Variants in DNAI1 observed in about 807,000 individuals in gnomAD.
DNAI1 encodes the protein dynein, axonemal, intermediate polypeptide 1.
DNAI1 carries 67 observed loss-of-function variants against 92.0 expected under a neutral mutation model. The ratio of observed to expected loss-of-function variants is 0.73; its 90% CI spans 0.60 to 0.89. The LOEUF (loss-of-function observed/expected upper bound fraction) is 0.89. DNAI1 is among the 40% of genes least tolerant of loss of function. DNAI1 has a pLI of 0.00. For synonymous variants in DNAI1, 323 were observed against 319.6 expected (o/e 1.01, Z -0.11); for missense variants, 839 against 866.6 (o/e 0.97, Z 0.40).
Position 34,506,698 on chromosome 9 carries a change from A to G in DNAI1, c.1135A>G (p.Met379Val), listed in dbSNP as rs1276963650. 2.5e-6 allele frequency: 4 copies of G among 1,614,060 alleles called. No individual in the cohort carries two copies. Among genetic ancestry groups the G allele is most frequent in the East Asian group, 2.2e-5 (1 of 44,898 alleles). ...GAAGAACCCCAGCTTCCCTGAGTACATGTTCAGCAGCAACAGCGGCGTCAT... is the reference window on the plus strand; with the variant it reads ...GAAGAACCCCAGCTTCCCTGAGTACGTGTTCAGCAGCAACAGCGGCGTCAT... ...SLKNPSFPEYMFSSNSGVMCL... is the reference protein window; with the variant it reads ...SLKNPSFPEYVFSSNSGVMCL... The change falls in exon 13 of 20, where the codon ATG becomes GTG. Residue 379 changes from methionine to valine, a missense_variant. Coordinates refer to ENST00000242317, the MANE Select transcript of DNAI1 (RefSeq NM_012144.4).
chr9:34,486,742 G>T (rs116233826), intron 4 of DNAI1, among the ~76,000 whole-genome samples: 2 of 151,962 alleles, frequency 1.3e-5, no homozygotes, highest in African/African-American at 4.8e-5. Flanking sequence ...TCACTTCCCC[G>T]CAAGGAAACC....
At chr9:34,485,096 C>G (rs780343665) in intron 2 of DNAI1, 46 bp from the exon 3 acceptor site, 7 of 1,599,770 alleles carry the variant, frequency 4.4e-6, no homozygotes, top group Non-Finnish European at 6.0e-6. Context: ...TATGCTTGTC[C>G]AAGCAGAAAA....
intron 16 of DNAI1, 137 bp downstream of exon 16, chr9:34,513,328 G>A: frequency 1.4e-6 from 1 of 738,386 alleles, no homozygotes; most frequent in Non-Finnish European, 2.5e-6. Flanking sequence ...GGAAGAGAAT[G>A]TATTTCTTGA....
chr9:34,518,449 C>T (rs1427124157), intron 19 of DNAI1, among the ~76,000 whole-genome samples: 1 of 152,136 alleles, frequency 6.6e-6, no homozygotes, highest in Non-Finnish European at 1.5e-5. Context: ...TTGTAGCCAG[C>T]TGGGGGAGAG....
At chr9:34,504,075 A>G (rs999612898) in intron 12 of DNAI1, among the ~76,000 whole-genome samples, 1 of 152,148 alleles carries the variant, frequency 6.6e-6, no homozygotes, top group Non-Finnish European at 1.5e-5. Context: ...TCCTGAGGCT[A>G]TCACACAGGA....
Position 34,520,811 on chromosome 9 carries a change from A to G in DNAI1, c.*55A>G. On this transcript the variant is annotated 3_prime_UTR_variant, in exon 20 of 20. Coordinates refer to ENST00000242317, the MANE Select transcript of DNAI1 (RefSeq NM_012144.4). ...TTGAATACAGTACTCCTAGGGCTTG[A>G]CCCTGGTACCCAGCCCAGCCTTAGC... is the stretch of plus-strand genomic sequence containing the variant. 4 of 1,517,526 alleles carry G rather than the reference A, an allele frequency of 2.6e-6. No individual in the cohort carries two copies. The South Asian group carries it at 4.8e-5, about 18-fold the overall frequency. The allele number at this position is 1,517,526 out of a possible 1,614,324, so 94.0% of individuals were successfully genotyped here. A position where few individuals can be genotyped will look rare whatever the true frequency, so the allele number is the denominator to read the frequency against.
chr9:34,459,603 G>A (rs906549906), intron 1 of DNAI1, among the ~76,000 whole-genome samples: 6 of 152,070 alleles, frequency 3.9e-5, no homozygotes, highest in Admixed American at 6.6e-5. Context: ...AGGCCACCAC[G>A]CCCGGCTAAA....
chr9:34,514,013 C>G (rs1347537877), intron 16 of DNAI1, among the ~76,000 whole-genome samples: 1 of 152,200 alleles, frequency 6.6e-6, no homozygotes, highest in Non-Finnish European at 1.5e-5. Flanking sequence ...GGAACCAGGG[C>G]TCTGTTTGTC....
At chr9:34,502,365 G>A (rs936643240) in intron 12 of DNAI1, among the ~76,000 whole-genome samples, 2 of 152,202 alleles carry the variant, frequency 1.3e-5, no homozygotes, top group African/African-American at 4.8e-5. Context: ...TGCAGCTACT[G>A]GGCCTGGAAC....
intron 12 of DNAI1, among the ~76,000 whole-genome samples, chr9:34,503,066 C>A (rs1587081986): frequency 6.6e-6 from 1 of 152,262 alleles, no homozygotes; most frequent in East Asian, 1.9e-4. Flanking sequence ...GGTGTGGAGA[C>A]AGAGGTAGTC....
intron 8 of DNAI1, 73 bp from the exon 9 acceptor site, chr9:34,493,121 T>G: frequency 1.2e-6 from 2 of 1,608,034 alleles, no homozygotes; most frequent in Non-Finnish European, 8.5e-7. Flanking sequence ...TCCTTAAGTC[T>G]TGAAGGCTGA....
chr9:34,472,347 A>G (rs1824153676), intron 1 of DNAI1, among the ~76,000 whole-genome samples: 2 of 152,224 alleles, frequency 1.3e-5, no homozygotes, highest in South Asian at 4.1e-4. Flanking sequence ...AGAGGCAGGT[A>G]TCCAGCAAAG....
chr9:34,490,868 A>G (rs953410530), intron 7 of DNAI1, among the ~76,000 whole-genome samples: 5 of 152,220 alleles, frequency 3.3e-5, no homozygotes, highest in African/African-American at 1.2e-4. Context: ...CAGCTGGCAA[A>G]GGCCAGAAAG....
intron 10 of DNAI1, among the ~76,000 whole-genome samples, chr9:34,498,873 T>C (rs1354179037): frequency 6.6e-6 from 1 of 152,224 alleles, no homozygotes; most frequent in East Asian, 1.9e-4. Flanking sequence ...CCTTGAGTGC[T>C]TTTCAAAGCT....
At chr9:34,497,358 T>C (rs149078620) in intron 10 of DNAI1, among the ~76,000 whole-genome samples, 159 bp downstream of exon 10, 33 of 152,340 alleles carry the variant, frequency 2.2e-4, no homozygotes, top group Admixed American at 1.4e-3. Flanking sequence ...ACAAGACTTA[T>C]GTGGATTAAC....
chr9:34,514,886 C>G (rs1205120403), intron 18 of DNAI1, 147 bp downstream of exon 18: 1 of 858,090 alleles, frequency 1.2e-6, no homozygotes, highest in East Asian at 2.6e-5. Context: ...AGGGGCAAGC[C>G]ATCCAGGGTC....
At chr9:34,479,672 A>C (rs1239921409) in intron 1 of DNAI1, among the ~76,000 whole-genome samples, 1 of 152,090 alleles carries the variant, frequency 6.6e-6, no homozygotes, top group African/African-American at 2.4e-5. Flanking sequence ...AAGTTGTTAC[A>C]CGTTGGGACG....
Position 34,514,693 on chromosome 9 carries a change from C to T in DNAI1, c.1772C>T (p.Ala591Val), listed in dbSNP as rs751197523. 3.7e-5 allele frequency: 60 copies of T among 1,614,004 alleles called. No individual in the cohort carries two copies. Among genetic ancestry groups the T allele is most frequent in the Admixed American group, 1.5e-4 (9 of 60,004 alleles). ...TCAGCCGTGGGTGATGTGGCCTGGGCGCCATACTCTTCTACTGTGTTCGCA... is the reference window on the plus strand; with the variant it reads ...TCAGCCGTGGGTGATGTGGCCTGGGTGCCATACTCTTCTACTGTGTTCGCA... The part of the protein sequence containing the change: ...LNSAVGDVAW[A>V]PYSSTVFAAV... Residue 591 changes from alanine to valine, a missense_variant, in exon 18 of 20, where the codon GCG becomes GTG. Ala to Val is a moderately conservative substitution (Grantham distance 64). Coordinates refer to ENST00000242317, the MANE Select transcript of DNAI1 (RefSeq NM_012144.4).
chr9:34,494,937 T>G (rs768563325), intron 9 of DNAI1, among the ~76,000 whole-genome samples: 6 of 152,206 alleles, frequency 3.9e-5, no homozygotes, highest in Non-Finnish European at 7.3e-5. Flanking sequence ...CCTTCCCCAT[T>G]GCCCAGGCCC....
Sources: gnomAD v4.1 joint callset for allele counts (sites outside exome capture counted in the v4.1 genomes callset) on GRCh38, gnomAD v4.1.1 for gene constraint, MANE v1.5 for transcripts, NCBI Gene and HGNC (gene_info 2026-07-23, HGNC 2026-07-21) for gene names.